Variants in CNBD1 observed in about 807,000 individuals in gnomAD.
CNBD1 encodes cyclic nucleotide-binding domain-containing protein 1.
A neutral mutation model predicts 54.4 loss-of-function variants in CNBD1; 71 were observed. The observed-to-expected ratio is 1.30, with a 90% CI of 1.08 to 1.59. The LOEUF is 1.59. Among genes scored for constraint, CNBD1 ranks in the 40% most tolerant of loss-of-function variants. The probability of loss-of-function intolerance (pLI) is 0.00; values close to 1 mark genes in which losing one functional copy is unlikely to be tolerated. For synonymous variants in CNBD1, 182 were observed against 170.7 expected, an observed-to-expected ratio of 1.07 and a Z score of -0.51; for missense variants, 659 against 518.0, an observed-to-expected ratio of 1.27 and a Z score of -2.64.
chr8:87,353,906 G>A (rs966867046), intron 10 of CNBD1, 120 bp downstream of exon 10: 6 of 645,512 alleles, frequency 9.3e-6, no homozygotes, highest in African/African-American at 3.8e-5. Context: ...CACCTGCAAA[G>A]GATGGAGTAT....
chr8:87,397,728 G>T (rs1434976778), intron 2 of CNBD1, among the ~76,000 whole-genome samples: 1 of 151,948 alleles, frequency 6.6e-6, no homozygotes, highest in Admixed American at 6.6e-5. Context: ...ATCTGGTATA[G>T]TCTAGCTCTT....
At chr8:86,973,910 C>T (rs564231674) in intron 4 of CNBD1, among the ~76,000 whole-genome samples, 1 of 152,012 alleles carries the variant, frequency 6.6e-6, no homozygotes, top group Non-Finnish European at 1.5e-5. Flanking sequence ...TTTTGATTTT[C>T]TCCAGTGCTC....
intron 6 of CNBD1, among the ~76,000 whole-genome samples, chr8:87,274,715 A>T (rs1585975524): frequency 7.5e-6 from 1 of 133,400 alleles, no homozygotes; most frequent in East Asian, 2.0e-4. Context: ...CCCATTCTGT[A>T]GGTTGCCTGT....
Position 87,362,082 on chromosome 8 carries a change from A to T in CNBD1, c.1303+8296A>T, listed in dbSNP as rs1489240403. On this transcript the variant is annotated intron_variant, in intron 10 of 10. Coordinates refer to ENST00000518476, the MANE Select transcript of CNBD1 (RefSeq NM_173538.3). ...AACCATGAAAACAATTACCATGCTT[A>T]CTTAAAATCTACTTCAATGACACTC... is the stretch of plus-strand genomic sequence containing the variant. Among the ~76,000 whole-genome samples the T allele has an allele frequency of 3.9e-5, 6 of 152,186 alleles. No individual in the cohort carries two copies. The South Asian group carries it at 8.3e-4, about 21-fold the overall frequency.
intron 5 of CNBD1, among the ~76,000 whole-genome samples, chr8:87,236,172 C>T (rs554827784): frequency 1.3e-5 from 2 of 152,216 alleles, no homozygotes; most frequent in South Asian, 4.1e-4. Flanking sequence ...TTGCTTCAAT[C>T]TTATGAAGTA....
intron 4 of CNBD1, among the ~76,000 whole-genome samples, chr8:86,957,099 T>A (rs535354038): frequency 1.2e-3 from 186 of 152,340 alleles, no homozygotes; most frequent in Non-Finnish European, 2.1e-3. Flanking sequence ...GTGTGTTTTG[T>A]CTTTGGTTCT....
intron 4 of CNBD1, among the ~76,000 whole-genome samples, chr8:87,108,355 G>C (rs1811584389): frequency 6.6e-6 from 1 of 152,118 alleles, no homozygotes; most frequent in Non-Finnish European, 1.5e-5. Flanking sequence ...AGTCAAATTT[G>C]GATGTACAAT....
chr8:86,918,172 C>T (rs1388718432), intron 3 of CNBD1, among the ~76,000 whole-genome samples: 1 of 151,930 alleles, frequency 6.6e-6, no homozygotes, highest in Non-Finnish European at 1.5e-5. Flanking sequence ...TCCTAATTGC[C>T]CACCTCTCAG....
Position 87,112,941 on chromosome 8 carries a change from G to T in CNBD1, c.432-93052G>T, listed in dbSNP as rs76880361. Among the ~76,000 whole-genome samples, 126 of 152,316 alleles carry T rather than the reference G, an allele frequency of 8.3e-4. 1 individual carries two copies. In the East Asian group the frequency reaches 0.014, roughly 17 times the overall value. On this transcript the variant is annotated intron_variant, in intron 4 of 10. Transcript: ENST00000518476. ...GGGTTCTCAGAAAACAACCTGTAAA[G>T]AAGTAAGGGAAGATCAGGATGGGGG...
At chr8:87,068,399 C>A (rs1333883637) in intron 4 of CNBD1, among the ~76,000 whole-genome samples, 2 of 151,790 alleles carry the variant, frequency 1.3e-5, no homozygotes, top group African/African-American at 4.8e-5. Flanking sequence ...ATTGCTTTTC[C>A]ACTTTAACCC....
intron 3 of CNBD1, among the ~76,000 whole-genome samples, chr8:86,917,164 C>G (rs201869969): frequency 7.1e-4 from 31 of 43,564 alleles, no homozygotes; most frequent in African/African-American, 1.6e-3. Context: ...AAAAGAATAT[C>G]TAGATAGTTA....
At chr8:87,040,570 C>T (rs1810046152) in intron 4 of CNBD1, among the ~76,000 whole-genome samples, 1 of 151,464 alleles carries the variant, frequency 6.6e-6, no homozygotes, top group Non-Finnish European at 1.5e-5. Context: ...ACTACAGGTG[C>T]CTGCCACCAC....
At chr8:87,190,517 A>G (rs1304074754) in intron 4 of CNBD1, among the ~76,000 whole-genome samples, 1 of 151,860 alleles carries the variant, frequency 6.6e-6, no homozygotes, top group Non-Finnish European at 1.5e-5. Context: ...TTTCGCTCCG[A>G]GTTCAATGTC....
At chr8:87,201,232 A>G (rs1273953603) in intron 4 of CNBD1, among the ~76,000 whole-genome samples, 1 of 152,192 alleles carries the variant, frequency 6.6e-6, no homozygotes, top group African/African-American at 2.4e-5. Context: ...AGAACAGAAG[A>G]GAACTTCCTT....
At chr8:87,397,052 T>C (rs936466312) in intron 2 of CNBD1, among the ~76,000 whole-genome samples, 1 of 151,954 alleles carries the variant, frequency 6.6e-6, no homozygotes, top group Non-Finnish European at 1.5e-5. Flanking sequence ...GCTTTTAAAA[T>C]ATAATTTTTG....
At chr8:86,951,538 C>A (rs370809167) in intron 4 of CNBD1, among the ~76,000 whole-genome samples, 2 of 127,204 alleles carry the variant, frequency 1.6e-5, no homozygotes, top group Non-Finnish European at 3.1e-5. Flanking sequence ...CGAGATCATG[C>A]CACTGCACTC....
chr8:87,268,066 G>A (rs960219676), intron 6 of CNBD1, among the ~76,000 whole-genome samples: 5 of 152,044 alleles, frequency 3.3e-5, no homozygotes, highest in African/African-American at 1.2e-4. Context: ...CAGGTAGTGA[G>A]CACAGTACAC....
chr8:87,137,208 A>T (rs1812273371), intron 4 of CNBD1, among the ~76,000 whole-genome samples: 1 of 143,188 alleles, frequency 7.0e-6, no homozygotes, highest in Non-Finnish European at 1.5e-5. Flanking sequence ...TATATATATT[A>T]TATTTATATT....
intron 4 of CNBD1, among the ~76,000 whole-genome samples, chr8:87,094,883 C>T (rs1343193691): frequency 6.6e-6 from 1 of 152,112 alleles, no homozygotes; most frequent in African/African-American, 2.4e-5. Context: ...ACTAAAAATA[C>T]AAAAAATTAG....
Sources: gnomAD v4.1 joint callset for allele counts (sites outside exome capture counted in the v4.1 genomes callset) on GRCh38, gnomAD v4.1.1 for gene constraint, MANE v1.5 for transcripts, NCBI Gene and HGNC (gene_info 2026-07-23, HGNC 2026-07-21) for gene names.